Variants in PTPRO observed in about 807,000 individuals in gnomAD.
PTPRO encodes the protein receptor-type tyrosine-protein phosphatase O.
In PTPRO, 62 loss-of-function variants were observed where a neutral mutation model predicts 145.2. The observed-to-expected ratio is 0.43, with a 90% CI of 0.35 to 0.53. The LOEUF is 0.53. Ranked by LOEUF, PTPRO falls within the 20% of genes least tolerant of loss-of-function variation. The probability of loss-of-function intolerance (pLI) is 0.01; values close to 1 mark genes in which losing one functional copy is unlikely to be tolerated. For synonymous variants in PTPRO, 565 were observed against 514.7 expected, an observed-to-expected ratio of 1.10 and a Z score of -1.32; for missense variants, 1,345 against 1,482.7, an observed-to-expected ratio of 0.91 and a Z score of 1.53.
At chr12:15,389,103 A>ATTT (rs1939114327) in intron 1 of PTPRO, among the ~76,000 whole-genome samples, 1 of 137,638 alleles carries the variant, frequency 7.3e-6, no homozygotes, top group African/African-American at 3.3e-5. Flanking sequence ...ATAAATAAAG[A>ATTT]ATTTTTTTTT....
intron 1 of PTPRO, among the ~76,000 whole-genome samples, chr12:15,460,243 C>T (rs1941271915): frequency 6.6e-6 from 1 of 152,160 alleles, no homozygotes; most frequent in Non-Finnish European, 1.5e-5. Context: ...GCCTTGCTAC[C>T]AGCATGTGTC....
intron 1 of PTPRO, among the ~76,000 whole-genome samples, chr12:15,442,293 C>CA (rs1283183387): frequency 6.6e-6 from 1 of 152,054 alleles, no homozygotes; most frequent in African/African-American, 2.4e-5. Flanking sequence ...TAAAATCCAA[C>CA]AATTTTTTGT....
intron 1 of PTPRO, among the ~76,000 whole-genome samples, chr12:15,464,554 G>T (rs1278091334): frequency 6.6e-6 from 1 of 151,286 alleles, no homozygotes; most frequent in Non-Finnish European, 1.5e-5. Context: ...TTAATAGAGG[G>T]GGGTTTCACC....
At position 15,517,186 on chromosome 12, in the gene PTPRO, T is replaced by C. The variant is rs1942617501; in HGVS notation, c.1779+230T>C. The C allele has an allele frequency of 7.5e-5, 43 of 576,526 alleles. 1 individual carries two copies. The South Asian group carries it at 8.1e-4, about 11-fold the overall frequency. 35.7% of individuals were successfully genotyped at this position (576,526 alleles called of 1,614,324 possible). On this transcript the variant is annotated intron_variant, in intron 9 of 26. Transcript: ENST00000281171. ...CCACGTGGCTGGGGAAGCCTCACAATCATGACAGAAGGCAAGGAGGAGCAA... is the reference window on the plus strand; with the variant it reads ...CCACGTGGCTGGGGAAGCCTCACAACCATGACAGAAGGCAAGGAGGAGCAA...
At chr12:15,334,068 T>C (rs964175915) in intron 1 of PTPRO, among the ~76,000 whole-genome samples, 9 of 152,216 alleles carry the variant, frequency 5.9e-5, no homozygotes, top group Non-Finnish European at 1.3e-4. Context: ...TCTCTCACCA[T>C]GCACGTCATA....
intron 1 of PTPRO, among the ~76,000 whole-genome samples, chr12:15,373,160 C>T (rs1938581960): frequency 1.3e-5 from 2 of 152,124 alleles, no homozygotes; most frequent in African/African-American, 2.4e-5. Context: ...AACTAAAATG[C>T]TAGGTAAAGT....
At chr12:15,356,514 C>T (rs182464128) in intron 1 of PTPRO, among the ~76,000 whole-genome samples, 216 of 152,232 alleles carry the variant, frequency 1.4e-3, no homozygotes, top group African/African-American at 4.8e-3. Flanking sequence ...GTTCATTCCC[C>T]TCTAGGTGTT....
At chr12:15,583,891 G>A (rs1944375920) in intron 23 of PTPRO, among the ~76,000 whole-genome samples, 1 of 152,132 alleles carries the variant, frequency 6.6e-6, no homozygotes, top group African/African-American at 2.4e-5. Flanking sequence ...TTTATGACCA[G>A]GAGAATTCAG....
intron 15 of PTPRO, among the ~76,000 whole-genome samples, chr12:15,552,149 A>C (rs1454569551): frequency 6.6e-6 from 1 of 152,132 alleles, no homozygotes; most frequent in African/African-American, 2.4e-5. Flanking sequence ...AGTCTCTATT[A>C]GTTTTATTCC....
chr12:15,543,033 A>G (rs930750123), intron 12 of PTPRO, among the ~76,000 whole-genome samples: 1 of 152,254 alleles, frequency 6.6e-6, no homozygotes. Flanking sequence ...TAATTATAAT[A>G]ACAATAAATT....
chr12:15,586,996 C>T lies in PTPRO; in HGVS notation c.3355C>T (p.His1119Tyr). The T allele has an allele frequency of 6.2e-7, 1 of 1,614,090 alleles. No individual in the cohort carries two copies. Among genetic ancestry groups the T allele is most frequent in the Non-Finnish European group, 8.5e-7 (1 of 1,179,996 alleles). ...TGCAGAAAGTATCCTGCAGTTTGTA[C>T]ACATGGTCCGACAGCAAGCTACCAA... ...NAAESILQFV[H>Y]MVRQQATKSK... The change falls in exon 24 of 27, where the codon CAC becomes TAC. Residue 1119 changes from histidine to tyrosine, a missense_variant. Physicochemically the swap from His to Tyr is moderately conservative, Grantham distance 83. Around this residue, in one of 3 missense-constraint regions of PTPRO, gnomAD observed 208 missense variants for 242.8 expected, o/e 0.86. Coordinates refer to ENST00000281171, the MANE Select transcript of PTPRO (RefSeq NM_030667.3).
chr12:15,518,714 G>A lies in PTPRO; in HGVS notation c.1780-1487G>A, dbSNP rs535172085. Among the ~76,000 whole-genome samples, 80 of 152,252 alleles carry A rather than the reference G, an allele frequency of 5.3e-4. 1 individual carries two copies. Among genetic ancestry groups the A allele is most frequent in the African/African-American group, 1.9e-3 (78 of 41,544 alleles). ...TCAAAGTTCCAAAATCCCTAAGGGA[G>A]GCACAAAATGCTGCCAGTGTCTTTG... is the stretch of plus-strand genomic sequence containing the variant. On this transcript the variant is annotated intron_variant, in intron 9 of 26. Coordinates refer to ENST00000281171, the MANE Select transcript of PTPRO (RefSeq NM_030667.3).
In PTPRO at chr12:15,557,516, T is replaced by C; in HGVS notation, c.2620T>C (p.Tyr874His). ...ASLERDGKLP[Y>H]NWRRSIFAFL... ...CTTAGAGAGGGATGGAAAGCTTCCATACAACTGGTGAGTATTGTTTTGGAA... is the reference window on the plus strand; with the variant it reads ...CTTAGAGAGGGATGGAAAGCTTCCACACAACTGGTGAGTATTGTTTTGGAA... Residue 874 changes from tyrosine (Y) to histidine (H), a missense_variant, in exon 16 of 27, where the codon TAC (tyrosine) becomes CAC (histidine). Tyr to His is a moderately conservative substitution (Grantham distance 83, BLOSUM62 2). Transcript: ENST00000281171. 1 of 1,613,276 alleles carries C rather than the reference T, an allele frequency of 6.2e-7. No individual in the cohort carries two copies. The highest frequency in any genetic ancestry group is 8.5e-7 in the Non-Finnish European group (1 of 1,179,222).
intron 1 of PTPRO, among the ~76,000 whole-genome samples, chr12:15,427,973 C>T (rs529699913): frequency 4.6e-5 from 7 of 152,122 alleles, no homozygotes; most frequent in East Asian, 3.9e-4. Context: ...AATGAAGTAT[C>T]GGTTTATCAA....
chr12:15,415,386 A>ATTTTTTT (rs58919838), intron 1 of PTPRO, among the ~76,000 whole-genome samples: 1 of 132,472 alleles, frequency 7.5e-6, no homozygotes, highest in South Asian at 2.4e-4. Context: ...GGTGAAATGA[A>ATTTTTTT]TTTTTTTTTT....
intron 1 of PTPRO, among the ~76,000 whole-genome samples, chr12:15,409,960 G>T (rs908322598): frequency 6.6e-6 from 1 of 152,158 alleles, no homozygotes; most frequent in Non-Finnish European, 1.5e-5. Context: ...CTATGTCACC[G>T]TGTTACCCTC....
At chr12:15,412,910 C>T (rs1939839764) in intron 1 of PTPRO, among the ~76,000 whole-genome samples, 1 of 152,198 alleles carries the variant, frequency 6.6e-6, no homozygotes, top group African/African-American at 2.4e-5. Context: ...TCTCCTGCCT[C>T]AGCCTCCCAA....
At chr12:15,350,318 C>G (rs578200524) in intron 1 of PTPRO, among the ~76,000 whole-genome samples, 3 of 152,288 alleles carry the variant, frequency 2.0e-5, no homozygotes, top group South Asian at 2.1e-4. Context: ...TTGATGAGGT[C>G]AGAACCTTGT....
At chr12:15,464,627 G>T (rs1010745283) in intron 1 of PTPRO, among the ~76,000 whole-genome samples, 1 of 151,522 alleles carries the variant, frequency 6.6e-6, no homozygotes, top group Non-Finnish European at 1.5e-5. Flanking sequence ...CCAAAGTGCT[G>T]GGATTACAGG....
Sources: allele counts gnomAD v4.1 joint callset (sites outside exome capture counted in the v4.1 genomes callset), GRCh38; gene constraint gnomAD v4.1.1; regional missense constraint gnomAD v4.1.1; transcripts MANE v1.5; gene names NCBI Gene and HGNC (gene_info 2026-07-23, HGNC 2026-07-21).